Variants in ACAD10 observed in about 807,000 individuals in gnomAD.
The protein encoded by ACAD10 is acyl-CoA dehydrogenase family member 10.
A neutral mutation model predicts 116.8 loss-of-function variants in ACAD10; 112 were observed. The ratio of observed to expected loss-of-function variants is 0.96; its 90% CI spans 0.82 to 1.12. The LOEUF (loss-of-function observed/expected upper bound fraction) is 1.12, where lower values mean the gene tolerates loss of function less well. Ranked by LOEUF, ACAD10 falls within the 50% of genes most tolerant of loss-of-function variation. The pLI is 0.00. For missense variants in ACAD10, 1,259 were observed against 1,350.2 expected (o/e 0.93, Z 1.06); for synonymous variants, 486 against 510.6 (o/e 0.95, Z 0.65).
intron 4 of ACAD10, among the ~76,000 whole-genome samples, chr12:111,706,778 A>ATT (rs1189030640): frequency 2.4e-4 from 27 of 113,470 alleles, no homozygotes; most frequent in Middle Eastern, 5.7e-3. Flanking sequence ...ATATATATAT[A>ATT]TATATTTTTT....
chr12:111,724,687 G>A (rs894041519), intron 8 of ACAD10, among the ~76,000 whole-genome samples: 2 of 149,556 alleles, frequency 1.3e-5, no homozygotes, highest in Admixed American at 6.7e-5. Context: ...GCAGGCACTC[G>A]GCAGGCTGAG....
In ACAD10 at chr12:111,712,354, T is replaced by C. The variant is rs1888710152; in HGVS notation, c.691-144T>C. ...GGCCAGGATTGACTGCTGGCACCTG[T>C]TCAATATATATTCTCTGCACCTGTA... On this transcript the variant is annotated intron_variant, in intron 5 of 20. Coordinates refer to ENST00000313698, the MANE Select transcript of ACAD10 (RefSeq NM_025247.6). 1.5e-5 allele frequency: 11 copies of C among 723,810 alleles called. 1 individual carries two copies. In the South Asian group the frequency reaches 2.5e-4, roughly 16 times the overall value. The allele number at this position is 723,810 out of a possible 1,614,324, so 44.8% of individuals were successfully genotyped here.
At position 111,723,126 on chromosome 12, in the gene ACAD10, G is replaced by A. The variant is rs540445337; in HGVS notation, c.1061+1387G>A. ...GCGCCCCTCACCTCCCAGACGGGGCGGCTAGCCGGGCGGGGGGCTGACCCC... is the reference window on the plus strand; with the variant it reads ...GCGCCCCTCACCTCCCAGACGGGGCAGCTAGCCGGGCGGGGGGCTGACCCC... On this transcript the variant is annotated intron_variant, in intron 8 of 20. Coordinates refer to ENST00000313698, the MANE Select transcript of ACAD10 (RefSeq NM_025247.6). Among the ~76,000 whole-genome samples, 1,395 of 144,384 alleles carry A rather than the reference G, an allele frequency of 9.7e-3. 48 individuals carry two copies. Among genetic ancestry groups the A allele is most frequent in the African/African-American group, 0.034 (1,301 of 37,956 alleles). The allele number at this position is 144,384 out of a possible 152,430, so 94.7% of individuals were successfully genotyped here.
rs751124349 is a variant in ACAD10, at chr12:111,744,631, GA to G, written c.1715-11del. ...GTGGGAGTAATCACTGTTTTTCTTTGATTCTGCTTAGGGCAAGCAAGCTCCA... is the reference window on the plus strand; with the variant it reads ...GTGGGAGTAATCACTGTTTTTCTTTGTTCTGCTTAGGGCAAGCAAGCTCCA... On this transcript the variant is annotated splice_polypyrimidine_tract_variant and intron_variant, in intron 12 of 20. Coordinates refer to ENST00000313698, the MANE Select transcript of ACAD10 (RefSeq NM_025247.6). 1.2e-6 allele frequency: 2 copies of G among 1,600,572 alleles called. No homozygotes were observed. Among genetic ancestry groups the G allele is most frequent in the Non-Finnish European group, 1.7e-6 (2 of 1,172,340 alleles).
rs373587455 is a variant in ACAD10, at chr12:111,702,324, A to G, written c.336+14A>G. 1.4e-5 allele frequency: 22 copies of G among 1,608,740 alleles called. No homozygotes were observed. In the African/African-American group the frequency reaches 2.1e-4, roughly 16 times the overall value. On this transcript the variant is annotated intron_variant, in intron 3 of 20. Coordinates refer to ENST00000313698, the MANE Select transcript of ACAD10 (RefSeq NM_025247.6). ...TGCTCTGAAATGGTGAGTGGTAAAC[A>G]TACCTACATTTCCATATTTTTCTTT... is the stretch of plus-strand genomic sequence containing the variant.
chr12:111,707,299 T>A (rs1293067840), intron 4 of ACAD10, among the ~76,000 whole-genome samples: 1 of 151,094 alleles, frequency 6.6e-6, no homozygotes, highest in East Asian at 1.9e-4. Flanking sequence ...TTTCACCCTG[T>A]TGGCCAGGGT....
At position 111,736,818 on chromosome 12, in the gene ACAD10, G is replaced by T; in HGVS notation, c.1541-13G>T. The T allele has an allele frequency of 6.2e-7, 1 of 1,609,388 alleles. No homozygotes were observed. ...TCAGTGACTACCCATGAATGGCTCT[G>T]TCTTTCTCGCAGGTATTAATGACTG... On this transcript the variant is annotated splice_polypyrimidine_tract_variant and intron_variant, in intron 11 of 20. Coordinates refer to ENST00000313698, the MANE Select transcript of ACAD10 (RefSeq NM_025247.6).
intron 11 of ACAD10, among the ~76,000 whole-genome samples, chr12:111,735,860 GA>G (rs1051966225): frequency 6.6e-6 from 1 of 151,466 alleles, no homozygotes; most frequent in Non-Finnish European, 1.5e-5. Context: ...TTATTTTTGA[GA>G]TGGAGTCTCC....
chr12:111,748,693 A>C, intron 17 of ACAD10: 1 of 635,078 alleles, frequency 1.6e-6, no homozygotes, highest in Non-Finnish European at 2.7e-6. Flanking sequence ...CCCTCTTCTA[A>C]ACTTAGAAAG....
At chr12:111,722,283 C>T (rs931118850) in intron 8 of ACAD10, among the ~76,000 whole-genome samples, 1 of 152,180 alleles carries the variant, frequency 6.6e-6, no homozygotes, top group Non-Finnish European at 1.5e-5. Context: ...ATGCTGGTCT[C>T]CAACTCCTGA....
chr12:111,753,839 A>T lies in ACAD10; in HGVS notation c.2885A>T (p.Gln962Leu). The change falls in exon 19 of 21, where the codon CAG (glutamine) becomes CTG (leucine). Residue 962 changes from glutamine (Q) to leucine (L), a missense_variant. By Grantham distance (113) the Gln-to-Leu change is moderately radical. Transcript: ENST00000313698. ...GGCACAGTGCTGGCGGACATCGCGC[A>T]GTCGCGCGTGGAGATTGAGCAGGCA... Reference protein sequence around the residue: ...EQGTVLADIAQSRVEIEQARL... With the variant: ...EQGTVLADIALSRVEIEQARL... 6.2e-7 allele frequency: 1 copy of T among 1,613,994 alleles called. No individual in the cohort carries two copies. Among genetic ancestry groups the T allele is most frequent in the Non-Finnish European group, 8.5e-7 (1 of 1,180,026 alleles).
At position 111,705,915 on chromosome 12, in the gene ACAD10, C is replaced by T. The variant is rs757517475; in HGVS notation, c.514C>T (p.Arg172Trp). The change falls in exon 4 of 21, where the codon CGG becomes TGG. Residue 172 changes from arginine (R) to tryptophan (W), a missense_variant. Arg to Trp is a moderately radical substitution (Grantham distance 101, BLOSUM62 -3). Transcript: ENST00000313698. ...PNQKSFLPLD[R>W]KQFDVIVESC... ...CCAGAAAAGCTTTTTGCCCCTGGACCGGAAACAGTTTGATGTGGTAAGCTT... is the reference window on the plus strand; with the variant it reads ...CCAGAAAAGCTTTTTGCCCCTGGACTGGAAACAGTTTGATGTGGTAAGCTT... 87 of 1,613,878 alleles carry T rather than the reference C, an allele frequency of 5.4e-5. No homozygotes were observed. The highest frequency in any genetic ancestry group is 6.7e-5 in the African/African-American group (5 of 74,868).
At chr12:111,721,637 C>G (rs1288576639) in intron 7 of ACAD10, 34 bp from the exon 8 acceptor site, 6 of 1,528,014 alleles carry the variant, frequency 3.9e-6, no homozygotes, top group Non-Finnish European at 4.5e-6. Flanking sequence ...TCAATTCAGC[C>G]AGCAATTTTG....
At chr12:111,721,399 C>T (rs921928723) in intron 7 of ACAD10, among the ~76,000 whole-genome samples, 2 of 152,116 alleles carry the variant, frequency 1.3e-5, no homozygotes, top group Non-Finnish European at 2.9e-5. Context: ...GAAACCGCGT[C>T]TCTACTACAA....
chr12:111,745,326 T>A (rs1271991085), intron 13 of ACAD10: 3 of 485,542 alleles, frequency 6.2e-6, no homozygotes, highest in Admixed American at 3.7e-5. Flanking sequence ...GCCTATCTGA[T>A]GGGTATTTGA....
intron 6 of ACAD10, among the ~76,000 whole-genome samples, chr12:111,713,663 G>A (rs1363151906): frequency 2.0e-5 from 3 of 151,674 alleles, no homozygotes; most frequent in South Asian, 2.1e-4. Flanking sequence ...AGGGCTGGGC[G>A]CAGTGGCTCA....
chr12:111,702,302 T>C lies in ACAD10; in HGVS notation c.328T>C (p.Ser110Pro), dbSNP rs1423814785. ...TTTACGAGAATTTGGGAGACTTTGCTCTGAAATGGTGAGTGGTAAACATAC... is the reference window on the plus strand; with the variant it reads ...TTTACGAGAATTTGGGAGACTTTGCCCTGAAATGGTGAGTGGTAAACATAC... ...GFLREFGRLC[S>P]EMLKTSVPVD... The change falls in exon 3 of 21, where the codon TCT (serine) becomes CCT (proline). Residue 110 changes from serine (S) to proline (P), a missense_variant. Transcript: ENST00000313698. The C allele has an allele frequency of 5.0e-6, 8 of 1,614,158 alleles. No individual in the cohort carries two copies. The highest frequency in any genetic ancestry group is 2.2e-5 in the East Asian group (1 of 44,888).
At chr12:111,738,054 G>A (rs1211519781) in intron 12 of ACAD10, among the ~76,000 whole-genome samples, 1 of 151,720 alleles carries the variant, frequency 6.6e-6, no homozygotes, top group Non-Finnish European at 1.5e-5. Context: ...ATGGGGTTTT[G>A]CCATGTTGGC....
intron 16 of ACAD10, 95 bp from the exon 17 acceptor site, chr12:111,748,222 C>T (rs2135991105): frequency 6.7e-7 from 1 of 1,484,594 alleles, no homozygotes; most frequent in Non-Finnish European, 9.3e-7. Context: ...CTGTCTGCTT[C>T]CTTACTGTGC....
Sources: allele counts gnomAD v4.1 joint callset (sites outside exome capture counted in the v4.1 genomes callset), GRCh38; gene constraint gnomAD v4.1.1; transcripts MANE v1.5; gene names NCBI Gene and HGNC (gene_info 2026-07-23, HGNC 2026-07-21).